The following PBX1 variants were observed in gnomAD, a reference collection of about 807,000 sequenced individuals.
PBX1 encodes pre-B-cell leukemia transcription factor 1.
Under a neutral mutation model 53.4 loss-of-function variants are expected in PBX1, and 6 were observed. The observed-to-expected ratio is 0.11, with a 90% CI of 0.06 to 0.22. The LOEUF (loss-of-function observed/expected upper bound fraction) is 0.22, where lower values mean the gene tolerates loss of function less well. PBX1 is among the 10% of genes least tolerant of loss of function. PBX1 has a pLI of 1.00. For synonymous variants in PBX1, 204 were observed against 212.3 expected, an observed-to-expected ratio of 0.96 and a Z score of 0.34; for missense variants, 251 against 551.4, an observed-to-expected ratio of 0.46 and a Z score of 5.46.
intron 8 of PBX1, among the ~76,000 whole-genome samples, chr1:164,834,468 C>A (rs1340883351): frequency 4.0e-5 from 6 of 151,832 alleles, no homozygotes; most frequent in Non-Finnish European, 8.8e-5. Context: ...CTCAGCCTCC[C>A]AAGTAGCTGG....
downstream of PBX1, among the ~76,000 whole-genome samples, chr1:164,854,638 C>A (rs1295189839): frequency 1.3e-5 from 2 of 151,872 alleles, no homozygotes; most frequent in Non-Finnish European, 2.9e-5. Context: ...CCTATGGCTT[C>A]CAGCCTTAGG....
At chr1:164,792,981 A>G (rs2102303491) in intron 3 of PBX1, among the ~76,000 whole-genome samples, 1 of 152,324 alleles carries the variant, frequency 6.6e-6, no homozygotes, top group East Asian at 1.9e-4. Flanking sequence ...TGACGCTGTA[A>G]ATGATTTCAA....
chr1:164,794,577 T>A (rs1203168487), intron 3 of PBX1, among the ~76,000 whole-genome samples: 1 of 152,152 alleles, frequency 6.6e-6, no homozygotes, highest in Non-Finnish European at 1.5e-5. Flanking sequence ...CATATAGACA[T>A]TTCCCCAGAT....
At chr1:164,800,361 A>G (rs537116269) in intron 4 of PBX1, among the ~76,000 whole-genome samples, 7 of 152,296 alleles carry the variant, frequency 4.6e-5, no homozygotes, top group African/African-American at 1.7e-4. Context: ...TCTCTGGGCT[A>G]ATTTTAGGAG....
At chr1:164,638,096 G>T (rs2101894409) in intron 2 of PBX1, among the ~76,000 whole-genome samples, 1 of 152,360 alleles carries the variant, frequency 6.6e-6, no homozygotes, top group East Asian at 1.9e-4. Flanking sequence ...TAAGGCAGCA[G>T]TTAAGGGCAC....
At chr1:164,618,417 C>A (rs1051818790) in intron 2 of PBX1, among the ~76,000 whole-genome samples, 2 of 149,940 alleles carry the variant, frequency 1.3e-5, no homozygotes, top group Non-Finnish European at 3.0e-5. Flanking sequence ...TCTCCTACTC[C>A]GTTGCTCACT....
chr1:164,750,105 G>A lies in PBX1; in HGVS notation c.266-42389G>A, dbSNP rs546564623. On this transcript the variant is annotated intron_variant, in intron 2 of 8. Coordinates refer to ENST00000420696, the MANE Select transcript of PBX1 (RefSeq NM_002585.4). ...GAGTGAGATCCTAACTCCAAAAATC[G>A]GAAGAAAAAAAAAAAGAGCTTTCAA... Among the ~76,000 whole-genome samples, 6 of 144,144 alleles carry A rather than the reference G, an allele frequency of 4.2e-5. No homozygotes were observed. The East Asian group carries it at 6.3e-4, about 15-fold the overall frequency. The allele number at this position is 144,144 out of a possible 152,430, so 94.6% of individuals were successfully genotyped here.
At chr1:164,779,431 A>G (rs1345183182) in intron 2 of PBX1, among the ~76,000 whole-genome samples, 1 of 152,114 alleles carries the variant, frequency 6.6e-6, no homozygotes, top group African/African-American at 2.4e-5. Context: ...CAGCCCAGTC[A>G]CACTTTGTGC....
intron 2 of PBX1, among the ~76,000 whole-genome samples, chr1:164,766,974 C>T (rs1273096872): frequency 4.6e-5 from 7 of 151,728 alleles, no homozygotes; most frequent in South Asian, 4.2e-4. Context: ...GTGATCCGCC[C>T]GCCTCAGCCT....
intron 2 of PBX1, among the ~76,000 whole-genome samples, chr1:164,870,209 TTTTC>T (rs138261773): frequency 0.017 from 2,042 of 123,000 alleles, 199 homozygotes; most frequent in South Asian, 0.035. Flanking sequence ...TCTTTCTTTC[TTTTC>T]TTTCTTTCCT....
chr1:164,755,649 G>A (rs1470119201), intron 2 of PBX1, among the ~76,000 whole-genome samples: 1 of 152,008 alleles, frequency 6.6e-6, no homozygotes, highest in African/African-American at 2.4e-5. Flanking sequence ...TCGGCAGTGA[G>A]GTAAAGTGAA....
chr1:164,654,230 C>T (rs768388834), intron 2 of PBX1, among the ~76,000 whole-genome samples: 1 of 152,122 alleles, frequency 6.6e-6, no homozygotes, highest in African/African-American at 2.4e-5. Context: ...CAAGAAAATC[C>T]AGGTTCCCTT....
At chr1:164,701,662 G>C (rs192569404) in intron 2 of PBX1, among the ~76,000 whole-genome samples, 1 of 152,280 alleles carries the variant, frequency 6.6e-6, no homozygotes, top group Admixed American at 6.5e-5. Context: ...TCTTAAAGGT[G>C]ATAACTCACT....
intron 2 of PBX1, among the ~76,000 whole-genome samples, chr1:164,723,391 C>A (rs1017346017): frequency 1.3e-5 from 2 of 151,946 alleles, no homozygotes; most frequent in Non-Finnish European, 2.9e-5. Context: ...AGCTGGCAGT[C>A]TCGCAAACAC....
intron 2 of PBX1, among the ~76,000 whole-genome samples, chr1:164,622,822 CT>C (rs11299132): frequency 0.46 from 48,900 of 105,760 alleles, 8,075 homozygotes; most frequent in Middle Eastern, 0.48. Context: ...CAGTTTCCAT[CT>C]TTTTTTTTTT....
intron 2 of PBX1, among the ~76,000 whole-genome samples, chr1:164,764,534 G>A (rs1666970928): frequency 6.6e-6 from 1 of 152,260 alleles, no homozygotes; most frequent in East Asian, 1.9e-4. Context: ...TCTTCAGAAT[G>A]TCAGGAGAAA....
At chr1:164,597,140 G>C (rs1168012387) in intron 2 of PBX1, among the ~76,000 whole-genome samples, 1 of 152,212 alleles carries the variant, frequency 6.6e-6, no homozygotes, top group African/African-American at 2.4e-5. Flanking sequence ...AATGCTCAAT[G>C]GTGTAACATT....
intron 8 of PBX1, chr1:164,828,546 C>G (rs952147770): frequency 1.3e-4 from 20 of 152,174 alleles, no homozygotes; most frequent in African/African-American, 4.8e-4. Context: ...TTTATAGCAT[C>G]CTGCCCAGCC....
chr1:164,787,489 A>C (rs1668262776), intron 2 of PBX1, among the ~76,000 whole-genome samples: 1 of 152,170 alleles, frequency 6.6e-6, no homozygotes, highest in South Asian at 2.1e-4. Context: ...GTGAAGAAAG[A>C]GTGCCCTCTA....
Sources: allele counts gnomAD v4.1 joint callset (sites outside exome capture counted in the v4.1 genomes callset), GRCh38; gene constraint gnomAD v4.1.1; transcripts MANE v1.5; gene names NCBI Gene and HGNC (gene_info 2026-07-23, HGNC 2026-07-21).